Variants in ANKS1A observed in about 807,000 individuals in gnomAD.
ANKS1A encodes ankyrin repeat and sterile alpha motif domain containing 1A.
In ANKS1A, 55 loss-of-function variants were observed where a neutral mutation model predicts 120.3. That is an observed-to-expected ratio of 0.46 (90% CI 0.37 to 0.57). ANKS1A has a LOEUF of 0.57. Among genes scored for constraint, ANKS1A ranks in the 20% least tolerant of loss-of-function variants. The pLI is 0.00. For missense variants in ANKS1A, 1,123 were observed against 1,480.3 expected, an observed-to-expected ratio of 0.76 and a Z score of 3.96; for synonymous variants, 590 against 604.7, an observed-to-expected ratio of 0.98 and a Z score of 0.36.
chr6:35,070,238 G>A (rs1321670362), intron 13 of ANKS1A, among the ~76,000 whole-genome samples: 1 of 151,994 alleles, frequency 6.6e-6, no homozygotes, highest in Non-Finnish European at 1.5e-5. Flanking sequence ...CTTGCAGTCT[G>A]GTGCCTCTCT....
intron 2 of ANKS1A, among the ~76,000 whole-genome samples, chr6:34,967,978 A>G (rs1197767015): frequency 6.6e-6 from 1 of 152,070 alleles, no homozygotes; most frequent in Non-Finnish European, 1.5e-5. Context: ...GGAATCTATT[A>G]GGTAACTAAC....
rs1034660121 is a variant in ANKS1A, at chr6:35,041,947, T to C, written c.2011-12152T>C. Among the ~76,000 whole-genome samples the C allele has an allele frequency of 7.2e-5, 11 of 152,300 alleles. 1 individual carries two copies. The highest frequency in any genetic ancestry group is 2.9e-5 in the Non-Finnish European group (2 of 68,034). ...GACAGAAACCTATATGATTTAGGAATACTGACATAGATGGTAGGTTAAAGA... is the reference window on the plus strand; with the variant it reads ...GACAGAAACCTATATGATTTAGGAACACTGACATAGATGGTAGGTTAAAGA... On this transcript the variant is annotated intron_variant, in intron 11 of 23. Coordinates refer to ENST00000360359, the MANE Select transcript of ANKS1A (RefSeq NM_015245.3).
intron 11 of ANKS1A, among the ~76,000 whole-genome samples, chr6:35,035,691 G>T (rs979957385): frequency 9.9e-5 from 15 of 152,190 alleles, no homozygotes; most frequent in Non-Finnish European, 1.8e-4. Flanking sequence ...TGGGCGAGTC[G>T]GGAATCAGCC....
chr6:34,985,365 T>A, intron 8 of ANKS1A, 87 bp downstream of exon 8: 1 of 1,355,038 alleles, frequency 7.4e-7, no homozygotes, highest in Non-Finnish European at 1.0e-6. Context: ...GGAAGTGTGA[T>A]CCCTGGTGCC....
chr6:35,000,227 G>GT (rs960636947), intron 10 of ANKS1A, among the ~76,000 whole-genome samples: 1 of 149,528 alleles, frequency 6.7e-6, no homozygotes, highest in African/African-American at 2.5e-5. Flanking sequence ...CATTCAATCT[G>GT]TAGTGGCAGC....
Position 35,082,868 on chromosome 6 carries a change from C to T in ANKS1A, c.2835+52C>T. On this transcript the variant is annotated intron_variant, in intron 18 of 23. Coordinates refer to ENST00000360359, the MANE Select transcript of ANKS1A (RefSeq NM_015245.3). The surrounding 1 kb of genome is among the most constrained non-coding windows in gnomAD (Gnocchi z 4.1). ...GGCCGGCCTCCCTGCTCCTTCTCGG[C>T]CAGGCACCTGCGGCCAAGTCCCAGC... 1 of 1,579,732 alleles carries T rather than the reference C, an allele frequency of 6.3e-7. No homozygotes were observed. The highest frequency in any genetic ancestry group is 8.6e-7 in the Non-Finnish European group (1 of 1,163,532).
At position 35,082,086 on chromosome 6, in the gene ANKS1A, A is replaced by C. The variant is rs1213938080; in HGVS notation, c.2710-605A>C. Reference sequence around the variant, plus strand: ...AGGCTCTGCGCACTGCTGGGAAGGGAGGGCCTCCGTGTTTCCTGAATCTTT... The same window carrying C: ...AGGCTCTGCGCACTGCTGGGAAGGGCGGGCCTCCGTGTTTCCTGAATCTTT... On this transcript the variant is annotated intron_variant, in intron 17 of 23. Coordinates refer to ENST00000360359, the MANE Select transcript of ANKS1A (RefSeq NM_015245.3). This position sits in a 1 kb window ranked among gnomAD's most constrained non-coding sequence, Gnocchi z 4.1. Among the ~76,000 whole-genome samples, 1 of 152,044 alleles carries C rather than the reference A, an allele frequency of 6.6e-6. No homozygotes were observed. Among genetic ancestry groups the C allele is most frequent in the Admixed American group, 6.6e-5 (1 of 15,260 alleles).
At chr6:34,967,043 A>G (rs986745761) in intron 1 of ANKS1A, among the ~76,000 whole-genome samples, 196 bp from the exon 2 acceptor site, 1 of 152,166 alleles carries the variant, frequency 6.6e-6, no homozygotes, top group Non-Finnish European at 1.5e-5. Context: ...TGTTCAGCAA[A>G]CCATTGCAGT....
chr6:35,053,948 C>T (rs1776083339), intron 11 of ANKS1A, 151 bp from the exon 12 acceptor site: 1 of 665,568 alleles, frequency 1.5e-6, no homozygotes, highest in Non-Finnish European at 2.8e-6. Flanking sequence ...TAGACCTGAG[C>T]AGCAGAGTCC....
chr6:34,971,473 C>T (rs529699221), intron 3 of ANKS1A, among the ~76,000 whole-genome samples: 3 of 152,254 alleles, frequency 2.0e-5, no homozygotes, highest in Non-Finnish European at 4.4e-5. Flanking sequence ...ACGGGCATTC[C>T]TTATATGATA....
At chr6:35,025,648 T>C (rs1774587060) in intron 11 of ANKS1A, among the ~76,000 whole-genome samples, 1 of 152,146 alleles carries the variant, frequency 6.6e-6, no homozygotes, top group South Asian at 2.1e-4. Context: ...TTTTCTTCTA[T>C]GCTTTTTTGT....
intron 1 of ANKS1A, among the ~76,000 whole-genome samples, chr6:34,897,911 T>C (rs1396210136): frequency 6.6e-6 from 1 of 152,204 alleles, no homozygotes; most frequent in Non-Finnish European, 1.5e-5. Flanking sequence ...GAGGACATAC[T>C]ATGGTGGCTA....
Position 35,085,721 on chromosome 6 carries a change from C to T in ANKS1A, c.3133-45C>T, listed in dbSNP as rs374528928. 4.0e-5 allele frequency: 62 copies of T among 1,532,652 alleles called. No homozygotes were observed. The highest frequency in any genetic ancestry group is 5.0e-5 in the Non-Finnish European group (57 of 1,139,560). The allele number at this position is 1,532,652 out of a possible 1,614,324, so 94.9% of individuals were successfully genotyped here. A position where few individuals can be genotyped will look rare whatever the true frequency, so the allele number is the denominator to read the frequency against. On this transcript the variant is annotated intron_variant, in intron 21 of 23. Coordinates refer to ENST00000360359, the MANE Select transcript of ANKS1A (RefSeq NM_015245.3). The surrounding 1 kb of genome is among the most constrained non-coding windows in gnomAD (Gnocchi z 4.7). ...GAGGAAGGGCATATCCAGTGTGAAG[C>T]GGCTCCTGAACCAGGTGCTTAAGTG...
In ANKS1A at chr6:35,084,412, C is replaced by T. The variant is rs377551658; in HGVS notation, c.3132+154C>T. 1.6e-4 allele frequency among the ~76,000 whole-genome samples: 25 copies of T among 151,898 alleles called. No individual in the cohort carries two copies. The highest frequency in any genetic ancestry group is 4.6e-4 in the African/African-American group (19 of 41,370). The stretch of plus-strand genomic sequence containing the variant: ...GAATGGAGCCCAGCAGCACTCAGGC[C>T]GGTCCCCTTTCACAGTGATGAGACT... On this transcript the variant is annotated intron_variant, in intron 21 of 23. Transcript: ENST00000360359. The surrounding 1 kb of genome is among the most constrained non-coding windows in gnomAD (Gnocchi z 4.8).
intron 11 of ANKS1A, among the ~76,000 whole-genome samples, chr6:35,051,237 G>A (rs753478916): frequency 3.9e-5 from 6 of 152,212 alleles, no homozygotes; most frequent in East Asian, 1.9e-4. Context: ...GCTTCTGCTG[G>A]CCTATGTCAG....
At chr6:34,926,736 T>C (rs1302294598) in intron 1 of ANKS1A, among the ~76,000 whole-genome samples, 1 of 152,204 alleles carries the variant, frequency 6.6e-6, no homozygotes, top group Non-Finnish European at 1.5e-5. Context: ...AAAAGCTCTT[T>C]TTTCATTTGC....
intron 1 of ANKS1A, among the ~76,000 whole-genome samples, chr6:34,894,819 TGAG>T (rs1209083357): frequency 1.4e-4 from 21 of 152,124 alleles, no homozygotes; most frequent in Non-Finnish European, 2.1e-4. Context: ...AGATCACAGT[TGAG>T]GAGATTATGT....
chr6:34,960,230 G>T (rs1770566680), intron 1 of ANKS1A, among the ~76,000 whole-genome samples: 1 of 152,118 alleles, frequency 6.6e-6, no homozygotes, highest in African/African-American at 2.4e-5. Flanking sequence ...CTTTTCTGAT[G>T]ACCTTATCTC....
At chr6:34,937,867 C>T (rs1001329279) in intron 1 of ANKS1A, among the ~76,000 whole-genome samples, 2 of 152,272 alleles carry the variant, frequency 1.3e-5, no homozygotes, top group Non-Finnish European at 2.9e-5. Flanking sequence ...AGGACAAAAT[C>T]AGTTACACCT....
Sources: gnomAD v4.1 joint callset for allele counts (sites outside exome capture counted in the v4.1 genomes callset) on GRCh38, gnomAD v4.1.1 for gene constraint, Gnocchi (gnomAD v3.1) non-coding constraint, MANE v1.5 for transcripts, NCBI Gene and HGNC (gene_info 2026-07-23, HGNC 2026-07-21) for gene names.